Variants in SHANK2 observed in about 807,000 individuals in gnomAD.
SHANK2 encodes the protein SH3 and multiple ankyrin repeat domains 2, also known as SH3 and multiple ankyrin repeat domains protein 2.
A neutral mutation model predicts 133.7 loss-of-function variants in SHANK2; 43 were observed. The observed-to-expected ratio is 0.32, with a 90% CI of 0.25 to 0.41. The LOEUF (loss-of-function observed/expected upper bound fraction) is 0.41, where lower values mean the gene tolerates loss of function less well. Ranked by LOEUF, SHANK2 falls within the 10% of genes least tolerant of loss-of-function variation. SHANK2 has a pLI of 1.00. For missense variants in SHANK2, 1,994 were observed against 2,235.8 expected, an observed-to-expected ratio of 0.89 and a Z score of 2.18; for synonymous variants, 1,017 against 952.8, an observed-to-expected ratio of 1.07 and a Z score of -1.24.
intron 2 of SHANK2, among the ~76,000 whole-genome samples, chr11:71,165,484 C>T (rs1402699435): frequency 4.6e-5 from 7 of 152,186 alleles, no homozygotes; most frequent in African/African-American, 1.4e-4. Context: ...GCTCCTAGGA[C>T]GCTATGCTGT....
intron 17 of SHANK2, among the ~76,000 whole-genome samples, chr11:70,632,954 G>C (rs1294855586): frequency 2.6e-5 from 4 of 151,936 alleles, no homozygotes; most frequent in African/African-American, 7.3e-5. Flanking sequence ...TGCATGGAGC[G>C]TTGATGGATA....
At chr11:70,926,692 C>T (rs1950431856) in intron 10 of SHANK2, among the ~76,000 whole-genome samples, 1 of 152,138 alleles carries the variant, frequency 6.6e-6, no homozygotes, top group African/African-American at 2.4e-5. Context: ...GAGCTGAGAC[C>T]AGAAGGCAGA....
At chr11:70,510,244 C>T (rs2059186083) in intron 17 of SHANK2, among the ~76,000 whole-genome samples, 1 of 152,178 alleles carries the variant, frequency 6.6e-6, no homozygotes, top group Non-Finnish European at 1.5e-5. Flanking sequence ...CTGCTGTTAG[C>T]AAACCTGGGG....
chr11:71,102,332 G>A (rs373706332), intron 6 of SHANK2, among the ~76,000 whole-genome samples: 3 of 151,966 alleles, frequency 2.0e-5, no homozygotes, highest in Admixed American at 6.6e-5. Context: ...CCAGATGGTC[G>A]CCTGCAATCA....
intron 3 of SHANK2, among the ~76,000 whole-genome samples, chr11:71,142,722 AG>A (rs1555106005): frequency 5.4e-5 from 5 of 93,032 alleles, no homozygotes; most frequent in African/African-American, 2.2e-4. Context: ...GAATCTGCAG[AG>A]AGAAAGTTTT....
chr11:71,067,421 C>A (rs1951079289), intron 9 of SHANK2, among the ~76,000 whole-genome samples: 3 of 152,196 alleles, frequency 2.0e-5, no homozygotes, highest in African/African-American at 7.2e-5. Context: ...CCCCAGGCTG[C>A]TCCCCTCCCT....
intron 17 of SHANK2, among the ~76,000 whole-genome samples, chr11:70,572,194 C>G (rs1420923085): frequency 1.3e-5 from 2 of 152,366 alleles, no homozygotes; most frequent in Non-Finnish European, 2.9e-5. Context: ...GAGTCTCACT[C>G]TGTCGCCCAG....
chr11:71,219,172 A>G (rs143962291), intron 2 of SHANK2, among the ~76,000 whole-genome samples: 1 of 152,346 alleles, frequency 6.6e-6, no homozygotes, highest in African/African-American at 2.4e-5. Flanking sequence ...ATGCGCTGAG[A>G]TCATTTAGAA....
intron 15 of SHANK2, among the ~76,000 whole-genome samples, chr11:70,689,265 G>C (rs896908867): frequency 9.9e-5 from 15 of 152,182 alleles, no homozygotes; most frequent in African/African-American, 3.6e-4. Flanking sequence ...AGAATACAGA[G>C]CAAGAAGGCA....
At chr11:70,845,161 T>C (rs1370068681) in intron 11 of SHANK2, among the ~76,000 whole-genome samples, 2 of 127,648 alleles carry the variant, frequency 1.6e-5, no homozygotes, top group Admixed American at 2.0e-4. Context: ...ATCGTGCCAC[T>C]GCACTCCAGC....
intron 10 of SHANK2, among the ~76,000 whole-genome samples, chr11:70,909,021 C>T (rs780240765): frequency 2.0e-5 from 3 of 152,070 alleles, no homozygotes; most frequent in South Asian, 2.1e-4. Context: ...ATAAAAACCT[C>T]GAAAAACATC....
chr11:71,182,885 T>C (rs1953588045), intron 2 of SHANK2, among the ~76,000 whole-genome samples: 1 of 152,162 alleles, frequency 6.6e-6, no homozygotes, highest in Non-Finnish European at 1.5e-5. Context: ...TGCCCCACCA[T>C]GCATGCTGGC....
chr11:70,597,051 C>T (rs1254541037), intron 17 of SHANK2, among the ~76,000 whole-genome samples: 7 of 151,844 alleles, frequency 4.6e-5, no homozygotes, highest in Non-Finnish European at 7.4e-5. Flanking sequence ...CATCCTCAGA[C>T]CCTATGAACA....
intron 1 of SHANK2, among the ~76,000 whole-genome samples, chr11:71,238,385 A>G (rs1260791598): frequency 2.0e-5 from 3 of 152,148 alleles, no homozygotes; most frequent in African/African-American, 7.2e-5. Flanking sequence ...GCTTTACATA[A>G]ATTACCTTAT....
chr11:70,755,087 T>C (rs79035326), intron 14 of SHANK2, among the ~76,000 whole-genome samples: 45 of 152,020 alleles, frequency 3.0e-4, no homozygotes, highest in South Asian at 8.3e-4. Flanking sequence ...TTTTTTTTTT[T>C]CTGAGATGAA....
chr11:70,661,913 GAGCCGGAGCC>G, intron 15 of SHANK2: 1 of 1,098,466 alleles, frequency 9.1e-7, no homozygotes, highest in Non-Finnish European at 1.4e-6. Context: ...GGGGCAGGCA[GAGCCGGAGCC>G]AGCCGGAGGA....
At chr11:71,153,460 A>G (rs1231203675) in intron 2 of SHANK2, among the ~76,000 whole-genome samples, 1 of 152,218 alleles carries the variant, frequency 6.6e-6, no homozygotes, top group Non-Finnish European at 1.5e-5. Context: ...AACTTGCTCC[A>G]AGAAAACCTA....
At chr11:71,056,046 T>C (rs1950914676) in intron 10 of SHANK2, among the ~76,000 whole-genome samples, 1 of 152,068 alleles carries the variant, frequency 6.6e-6, no homozygotes. Flanking sequence ...CATGATTGGC[T>C]GGGGTTGTTC....
At chr11:71,086,737 C>G (rs1472927256) in intron 8 of SHANK2, among the ~76,000 whole-genome samples, 36 of 151,934 alleles carry the variant, frequency 2.4e-4, no homozygotes, top group African/African-American at 8.7e-4. Context: ...TAAATGTGAG[C>G]ACTTATGAGG....
Sources: allele counts gnomAD v4.1 joint callset (sites outside exome capture counted in the v4.1 genomes callset), GRCh38; gene constraint gnomAD v4.1.1; transcripts MANE v1.5; gene names NCBI Gene and HGNC (gene_info 2026-07-23, HGNC 2026-07-21).